The following SLC6A5 variants were observed in gnomAD, a reference collection of about 807,000 sequenced individuals.
The protein encoded by SLC6A5 is sodium- and chloride-dependent glycine transporter 2.
In SLC6A5, 58 loss-of-function variants were observed where a neutral mutation model predicts 90.5. The ratio of observed to expected loss-of-function variants is 0.64; its 90% confidence interval spans 0.52 to 0.80. The LOEUF (loss-of-function observed/expected upper bound fraction) is 0.80. Ranked by LOEUF, SLC6A5 falls within the 30% of genes least tolerant of loss-of-function variation. The pLI, the probability that SLC6A5 is intolerant of heterozygous loss-of-function variation, is 0.00. For synonymous variants in SLC6A5, 427 were observed against 401.4 expected, an observed-to-expected ratio of 1.06 and a Z score of -0.76; for missense variants, 1,015 against 1,017.6, an observed-to-expected ratio of 1.00 and a Z score of 0.03.
chr11:20,607,264 T>G (rs1336237674), intron 4 of SLC6A5, 126 bp downstream of exon 4: 1 of 1,372,802 alleles, frequency 7.3e-7, no homozygotes, highest in Non-Finnish European at 1.0e-6. Flanking sequence ...CTTCCTTTAT[T>G]TGATCCTTCT....
Position 20,655,745 on chromosome 11 carries a change from A to T in SLC6A5, c.*877A>T, listed in dbSNP as rs759094601. 1.3e-5 allele frequency: 2 copies of T among 152,166 alleles called. No homozygotes were observed. The highest frequency in any genetic ancestry group is 2.9e-5 in the Non-Finnish European group (2 of 68,036). 9.4% of individuals were successfully genotyped at this position (152,166 alleles called of 1,614,324 possible). ...TTTCTTCTCTAAATGTCTTTCTATAAGCTGTAGACACCTTGTCTTTTGACC... is the reference window on the plus strand; with the variant it reads ...TTTCTTCTCTAAATGTCTTTCTATATGCTGTAGACACCTTGTCTTTTGACC... On this transcript the variant is annotated 3_prime_UTR_variant, in exon 16 of 16. Transcript: ENST00000525748.
At chr11:20,607,171 C>A (rs1852599912) in intron 4 of SLC6A5, 33 bp downstream of exon 4, 1 of 1,581,248 alleles carries the variant, frequency 6.3e-7, no homozygotes, top group Non-Finnish European at 8.6e-7. Context: ...CCTCCTCAGG[C>A]CCTTTCTTAC....
chr11:20,645,086 T>C (rs376452497), intron 13 of SLC6A5, among the ~76,000 whole-genome samples: 14 of 152,116 alleles, frequency 9.2e-5, no homozygotes, highest in Non-Finnish European at 1.3e-4. Context: ...ATGCTGGGAT[T>C]ACAGGATAGA....
chr11:20,604,407 C>T lies in SLC6A5; in HGVS notation c.662C>T (p.Ala221Val). The T allele has an allele frequency of 1.2e-6, 2 of 1,613,910 alleles. No individual in the cohort carries two copies. The highest frequency in any genetic ancestry group is 1.7e-6 in the Non-Finnish European group (2 of 1,179,908). Residue 221 changes from alanine to valine, a missense_variant, in exon 3 of 16, where the codon GCC (alanine) becomes GTC (valine). Physicochemically the swap from Ala to Val is moderately conservative, Grantham distance 64. This residue lies in a region of SLC6A5 where 567 missense variants were observed against 507.3 expected (regional missense o/e 1.12). Transcript: ENST00000525748. ...AATGTCTGGAGGTTTCCCTACCTGG[C>T]CTTCCAGAACGGGGGAGGTATGGCT... ...LGNVWRFPYLAFQNGGGAFLI... is the reference protein window; with the variant it reads ...LGNVWRFPYLVFQNGGGAFLI...
intron 13 of SLC6A5, among the ~76,000 whole-genome samples, chr11:20,639,413 A>T (rs1853271424): frequency 1.3e-5 from 2 of 152,196 alleles, no homozygotes; most frequent in South Asian, 2.1e-4. Flanking sequence ...TGCACTTCAG[A>T]TCCCAAAAGA....
chr11:20,616,043 C>A (rs970541911), intron 6 of SLC6A5, among the ~76,000 whole-genome samples: 1 of 152,176 alleles, frequency 6.6e-6, no homozygotes, highest in African/African-American at 2.4e-5. Context: ...ACATGGGGAT[C>A]AAATAAAATG....
chr11:20,606,659 G>A (rs760475182), intron 3 of SLC6A5, among the ~76,000 whole-genome samples: 14 of 152,072 alleles, frequency 9.2e-5, no homozygotes, highest in Non-Finnish European at 1.3e-4. Flanking sequence ...TGAGTCAAAG[G>A]CATGGACTGG....
In SLC6A5 at chr11:20,654,475, T is replaced by C. The variant is rs75947701; in HGVS notation, c.2239-238T>C. ...AAACACAGAGCAATTGCAATATTGC[T>C]TGCAGGGTGATGTAAATAATTTCAA... is the stretch of plus-strand genomic sequence containing the variant. On this transcript the variant is annotated intron_variant, in intron 15 of 15. Transcript: ENST00000525748. Among the ~76,000 whole-genome samples, 163 of 152,344 alleles carry C rather than the reference T, an allele frequency of 1.1e-3. 2 individuals carry two copies. In the East Asian group the frequency reaches 0.028, roughly 26 times the overall value.
At chr11:20,601,761 G>A (rs968842171) in intron 2 of SLC6A5, 96 bp downstream of exon 2, 28 of 1,339,326 alleles carry the variant, frequency 2.1e-5, no homozygotes, top group Non-Finnish European at 2.8e-5. Context: ...TGCTGATGGG[G>A]AAACCGGTTG....
chr11:20,626,833 G>A lies in SLC6A5; in HGVS notation c.1386G>A (p.Thr462=), dbSNP rs544994371. The A allele has an allele frequency of 1.1e-5, 17 of 1,613,786 alleles. No individual in the cohort carries two copies. The highest frequency in any genetic ancestry group is 1.6e-4 in the Middle Eastern group (1 of 6,080). The change falls in exon 8 of 16, where the codon ACG becomes ACA. Residue 462 remains threonine (T), a synonymous_variant. Transcript: ENST00000525748. Reference sequence around the variant, plus strand: ...TCACACCCAAGTGGGAGAAACTCACGGATGCCACGGTGGGCTTCTAATTTT... The same window carrying A: ...TCACACCCAAGTGGGAGAAACTCACAGATGCCACGGTGGGCTTCTAATTTT... The part of the protein sequence containing the change: ...YFITPKWEKL[T]DATVWKDAAT...
intron 14 of SLC6A5, among the ~76,000 whole-genome samples, chr11:20,648,239 A>AC (rs1853459307): frequency 6.6e-6 from 1 of 152,202 alleles, no homozygotes; most frequent in Admixed American, 6.5e-5. Context: ...CCTAAAGGCA[A>AC]CCAAGACAGG....
chr11:20,633,602 C>T (rs980141082), intron 10 of SLC6A5, among the ~76,000 whole-genome samples: 1 of 152,148 alleles, frequency 6.6e-6, no homozygotes, highest in African/African-American at 2.4e-5. Context: ...ATGGTAGGAT[C>T]TCTGGGGACT....
intron 5 of SLC6A5, 107 bp downstream of exon 5, chr11:20,607,759 G>A: frequency 4.7e-6 from 4 of 850,114 alleles, no homozygotes; most frequent in Non-Finnish European, 7.8e-6. Flanking sequence ...ACTAGGTTCT[G>A]GGAACACAGA....
intron 13 of SLC6A5, among the ~76,000 whole-genome samples, chr11:20,642,827 C>T (rs1853339193): frequency 6.6e-6 from 1 of 152,182 alleles, no homozygotes; most frequent in Non-Finnish European, 1.5e-5. Context: ...GAGAGCTTGA[C>T]TCAGGAATGG....
chr11:20,637,403 A>G, intron 12 of SLC6A5, 100 bp downstream of exon 12: 2 of 1,045,644 alleles, frequency 1.9e-6, no homozygotes, highest in East Asian at 5.0e-5. Context: ...CTTATAATCA[A>G]AGGCAAATCA....
chr11:20,645,405 C>A (rs900503028), intron 13 of SLC6A5, among the ~76,000 whole-genome samples: 1 of 152,030 alleles, frequency 6.6e-6, no homozygotes, highest in African/African-American at 2.4e-5. Flanking sequence ...GGAAGAGGAG[C>A]ACCCAGAGAC....
chr11:20,631,827 G>A (rs1439411272), intron 10 of SLC6A5, among the ~76,000 whole-genome samples: 1 of 152,198 alleles, frequency 6.6e-6, no homozygotes, highest in Non-Finnish European at 1.5e-5. Context: ...TGGCTCAGAT[G>A]TGGTGAGAGA....
At chr11:20,636,528 A>T in intron 11 of SLC6A5, 109 bp downstream of exon 11, 1 of 747,172 alleles carries the variant, frequency 1.3e-6, no homozygotes, top group Admixed American at 2.0e-5. Flanking sequence ...GGGTGTCTGA[A>T]TGTTTCTCCC....
chr11:20,603,038 G>A (rs529152439), intron 2 of SLC6A5, among the ~76,000 whole-genome samples: 1 of 152,314 alleles, frequency 6.6e-6, no homozygotes, highest in South Asian at 2.1e-4. Context: ...TGTTAAAGAT[G>A]TTTGGTTTCT....
Sources: allele counts gnomAD v4.1 joint callset (sites outside exome capture counted in the v4.1 genomes callset), GRCh38; gene constraint gnomAD v4.1.1; regional missense constraint gnomAD v4.1.1; transcripts MANE v1.5; gene names NCBI Gene and HGNC (gene_info 2026-07-23, HGNC 2026-07-21).